The following CNTN4 variants were observed in gnomAD, a reference collection of about 807,000 sequenced individuals.
The protein encoded by CNTN4 is contactin-4.
A neutral mutation model predicts 122.5 loss-of-function variants in CNTN4; 77 were observed. That is an observed-to-expected ratio of 0.63 (90% CI 0.52 to 0.76). The LOEUF is 0.76. Among genes scored for constraint, CNTN4 ranks in the 30% least tolerant of loss-of-function variants. The pLI is 0.00. For synonymous variants in CNTN4, 512 were observed against 447.0 expected, an observed-to-expected ratio of 1.15 and a Z score of -1.83; for missense variants, 1,256 against 1,259.1, an observed-to-expected ratio of 1.00 and a Z score of 0.04.
At chr3:2,125,029 A>C (rs1559266326) in intron 2 of CNTN4, among the ~76,000 whole-genome samples, 1 of 152,144 alleles carries the variant, frequency 6.6e-6, no homozygotes, top group African/African-American at 2.4e-5. Flanking sequence ...AACTATAGGC[A>C]CTATGTCGTG....
At chr3:2,712,716 C>A (rs2087226647) in intron 4 of CNTN4, among the ~76,000 whole-genome samples, 1 of 152,188 alleles carries the variant, frequency 6.6e-6, no homozygotes, top group Admixed American at 6.5e-5. Context: ...AAGACAAAGT[C>A]ATGCTTAGAG....
chr3:2,613,670 T>G (rs927804056), intron 4 of CNTN4, among the ~76,000 whole-genome samples: 2 of 152,102 alleles, frequency 1.3e-5, no homozygotes. Context: ...ACACTATAAT[T>G]CATGAAAAAG....
intron 3 of CNTN4, among the ~76,000 whole-genome samples, chr3:2,387,947 G>A (rs1332966665): frequency 2.0e-5 from 3 of 152,222 alleles, no homozygotes; most frequent in Non-Finnish European, 2.9e-5. Context: ...TACAGTCAGC[G>A]TCTTGGAAAA....
chr3:2,887,694 T>C (rs1019627202), intron 10 of CNTN4, among the ~76,000 whole-genome samples: 4 of 152,166 alleles, frequency 2.6e-5, no homozygotes, highest in African/African-American at 9.7e-5. Context: ...ATGCACACTG[T>C]CCAAATTTAG....
At chr3:2,860,045 A>G (rs1184835758) in intron 7 of CNTN4, among the ~76,000 whole-genome samples, 2 of 152,238 alleles carry the variant, frequency 1.3e-5, no homozygotes, top group Non-Finnish European at 2.9e-5. Context: ...GCGAGTAAAT[A>G]GCATGTACTA....
In CNTN4 at chr3:2,773,724, A is replaced by G. The variant is rs143633474; in HGVS notation, c.358+28027A>G. ...GCTTAGGGGGTTACCAAACTCTGGC[A>G]CTGAGTAATAATGAAGCCTTCATCT... On this transcript the variant is annotated intron_variant, in intron 6 of 24. Transcript: ENST00000418658. 2.0e-3 allele frequency among the ~76,000 whole-genome samples: 305 copies of G among 150,854 alleles called. 2 individuals carry two copies. The highest frequency in any genetic ancestry group is 7.2e-3 in the African/African-American group (295 of 40,992).
intron 7 of CNTN4, among the ~76,000 whole-genome samples, chr3:2,821,811 T>C (rs1174838697): frequency 6.6e-6 from 1 of 152,226 alleles, no homozygotes; most frequent in Non-Finnish European, 1.5e-5. Flanking sequence ...TGAAGTTTAG[T>C]TCAATATCTG....
At chr3:2,580,561 G>A (rs145256458) in intron 4 of CNTN4, among the ~76,000 whole-genome samples, 106 of 152,204 alleles carry the variant, frequency 7.0e-4, no homozygotes, top group Non-Finnish European at 9.9e-4. Flanking sequence ...CTCTCCACAC[G>A]CAAACTCCCC....
intron 4 of CNTN4, among the ~76,000 whole-genome samples, chr3:2,609,898 T>C (rs2081411279): frequency 6.6e-6 from 1 of 152,218 alleles, no homozygotes. Flanking sequence ...ATGTCATTGA[T>C]TTCATTAGCA....
chr3:2,766,195 A>G (rs185499877), intron 6 of CNTN4, among the ~76,000 whole-genome samples: 124 of 152,306 alleles, frequency 8.1e-4, no homozygotes, highest in African/African-American at 2.9e-3. Flanking sequence ...GCCTCTCTCA[A>G]TGCCCTGTGG....
At chr3:2,437,100 G>A (rs79857614) in intron 3 of CNTN4, among the ~76,000 whole-genome samples, 3,190 of 151,996 alleles carry the variant, frequency 0.021, 42 homozygotes, top group South Asian at 0.036. Flanking sequence ...TCTTCATCTT[G>A]AACTTTTTTT....
chr3:2,630,331 C>T (rs1282569065), intron 4 of CNTN4, among the ~76,000 whole-genome samples: 3 of 152,046 alleles, frequency 2.0e-5, no homozygotes, highest in Admixed American at 6.6e-5. Flanking sequence ...CCCAACTACT[C>T]GGGAGGCTGA....
At chr3:2,591,730 G>C (rs946270785) in intron 4 of CNTN4, among the ~76,000 whole-genome samples, 6 of 152,200 alleles carry the variant, frequency 3.9e-5, no homozygotes, top group African/African-American at 1.4e-4. Context: ...GTGAATTTTT[G>C]AAAGGCCTAA....
chr3:2,919,138 G>C (rs1275964596), intron 12 of CNTN4, among the ~76,000 whole-genome samples: 1 of 150,342 alleles, frequency 6.7e-6, no homozygotes, highest in Non-Finnish European at 1.5e-5. Flanking sequence ...GAAGTCAGGA[G>C]TTCAAGACCA....
intron 4 of CNTN4, among the ~76,000 whole-genome samples, chr3:2,704,011 G>A (rs774558133): frequency 2.4e-4 from 37 of 152,160 alleles, no homozygotes; most frequent in Non-Finnish European, 3.8e-4. Context: ...AGTTGATCTG[G>A]GCTAGGCATG....
chr3:2,799,184 A>C (rs1198238824), intron 6 of CNTN4, among the ~76,000 whole-genome samples: 1 of 152,052 alleles, frequency 6.6e-6, no homozygotes, highest in African/African-American at 2.4e-5. Context: ...TAGTAGGGTT[A>C]TATAGGTTTT....
intron 2 of CNTN4, among the ~76,000 whole-genome samples, chr3:2,114,111 A>G (rs1478140096): frequency 2.0e-5 from 3 of 152,278 alleles, no homozygotes; most frequent in Admixed American, 6.5e-5. Flanking sequence ...TTGATAAGAT[A>G]AAGTAGAAAG....
At chr3:3,036,769 C>T (rs551067766) in intron 17 of CNTN4, among the ~76,000 whole-genome samples, 18 of 135,496 alleles carry the variant, frequency 1.3e-4, no homozygotes, top group African/African-American at 5.1e-4. Flanking sequence ...AGAGAGAGAC[C>T]CTGTCTCAAA....
intron 6 of CNTN4, among the ~76,000 whole-genome samples, chr3:2,757,295 CT>C (rs2090381373): frequency 6.6e-6 from 1 of 152,120 alleles, no homozygotes; most frequent in Non-Finnish European, 1.5e-5. Flanking sequence ...CTCTGCAGGC[CT>C]TCTCTGAAAT....
Sources: gnomAD v4.1 joint callset for allele counts (sites outside exome capture counted in the v4.1 genomes callset) on GRCh38, gnomAD v4.1.1 for gene constraint, MANE v1.5 for transcripts, NCBI Gene and HGNC (gene_info 2026-07-23, HGNC 2026-07-21) for gene names.